The following FSIP1 variants were observed in gnomAD, a reference collection of about 807,000 sequenced individuals.
FSIP1 encodes fibrous sheath interacting protein 1.
In FSIP1, 65 loss-of-function variants were observed where a neutral mutation model predicts 60.9. The ratio of observed to expected loss-of-function variants is 1.07; its 90% CI spans 0.87 to 1.31. The LOEUF (loss-of-function observed/expected upper bound fraction) is 1.31. FSIP1 is among the 40% of genes most tolerant of loss of function. The pLI is 0.00. For missense variants in FSIP1, 675 were observed against 665.5 expected, an observed-to-expected ratio of 1.01 and a Z score of -0.16; for synonymous variants, 209 against 221.2, an observed-to-expected ratio of 0.94 and a Z score of 0.49.
chr15:39,754,229 T>C (rs1897243031), intron 5 of FSIP1, among the ~76,000 whole-genome samples: 1 of 151,986 alleles, frequency 6.6e-6, no homozygotes, highest in African/African-American at 2.4e-5. Context: ...ACCATGTGAG[T>C]GAGCTTGGAA....
intron 11 of FSIP1, among the ~76,000 whole-genome samples, chr15:39,605,857 G>A (rs917128929): frequency 9.2e-5 from 14 of 152,310 alleles, no homozygotes; most frequent in South Asian, 4.1e-4. Flanking sequence ...ACCCTACAGG[G>A]TATTAAGCCA....
intron 10 of FSIP1, among the ~76,000 whole-genome samples, chr15:39,690,833 G>T (rs190373359): frequency 3.8e-4 from 58 of 152,252 alleles, no homozygotes; most frequent in Non-Finnish European, 1.0e-4. Context: ...AGAAACCCAG[G>T]CTCAGCCACA....
chr15:39,692,884 T>C (rs2664126), intron 10 of FSIP1, among the ~76,000 whole-genome samples: 93,159 of 152,186 alleles, frequency 0.61, 30,483 homozygotes, highest in South Asian at 0.74. Context: ...TGGAGCCCTC[T>C]CCATGGCGTC....
chr15:39,630,487 A>G (rs1374828409), intron 10 of FSIP1, among the ~76,000 whole-genome samples: 1 of 152,214 alleles, frequency 6.6e-6, no homozygotes, highest in Non-Finnish European at 1.5e-5. Flanking sequence ...TTAGGTGGGT[A>G]TCCAGACCAG....
rs183034208 is a variant in FSIP1, at chr15:39,618,843, A to T, written c.1189-598T>A. Among the ~76,000 whole-genome samples the T allele has an allele frequency of 1.1e-3, 160 of 152,334 alleles. 1 individual carries two copies. Among genetic ancestry groups the T allele is most frequent in the African/African-American group, 3.8e-3 (157 of 41,584 alleles). On this transcript the variant is annotated intron_variant, in intron 10 of 11. Coordinates refer to ENST00000350221, the MANE Select transcript of FSIP1 (RefSeq NM_152597.5). ...AATAAATTTTTAAAAATCAAATGAA[A>T]GTAGAGAGCCATGTCCCACAAGACT...
intron 9 of FSIP1, among the ~76,000 whole-genome samples, chr15:39,720,514 C>T (rs570974058): frequency 4.6e-5 from 7 of 152,158 alleles, no homozygotes; most frequent in South Asian, 2.1e-4. Flanking sequence ...AAAAATCTAA[C>T]GGTGAACTGG....
chr15:39,686,050 G>T (rs1309533376), intron 10 of FSIP1, among the ~76,000 whole-genome samples: 2 of 152,206 alleles, frequency 1.3e-5, no homozygotes, highest in Non-Finnish European at 2.9e-5. Context: ...TAACAAATTT[G>T]GAGGATGATA....
intron 10 of FSIP1, among the ~76,000 whole-genome samples, chr15:39,712,723 A>G (rs1410980455): frequency 6.6e-6 from 1 of 152,212 alleles, no homozygotes; most frequent in East Asian, 1.9e-4. Flanking sequence ...AGTATGACAG[A>G]GCAATTCTAA....
At chr15:39,680,763 C>T (rs1325942357) in intron 10 of FSIP1, among the ~76,000 whole-genome samples, 1 of 152,108 alleles carries the variant, frequency 6.6e-6, no homozygotes, top group African/African-American at 2.4e-5. Context: ...AATTATTAGT[C>T]AAAATAATAC....
intron 10 of FSIP1, among the ~76,000 whole-genome samples, chr15:39,635,007 A>G (rs185277885): frequency 8.5e-5 from 13 of 152,062 alleles, no homozygotes; most frequent in African/African-American, 3.1e-4. Context: ...AGGTACAAGC[A>G]AACTGTTTAT....
chr15:39,676,583 C>G (rs1315909996), intron 10 of FSIP1, among the ~76,000 whole-genome samples: 1 of 151,292 alleles, frequency 6.6e-6, no homozygotes, highest in Non-Finnish European at 1.5e-5. Flanking sequence ...CTTCCCAACT[C>G]TCAGAATATA....
At chr15:39,693,713 C>T (rs62002440) in intron 10 of FSIP1, among the ~76,000 whole-genome samples, 5,283 of 152,270 alleles carry the variant, frequency 0.035, 121 homozygotes, top group Middle Eastern at 0.082. Flanking sequence ...CAGGTATCAT[C>T]TAACTGAGGA....
At chr15:39,776,597 A>T in intron 1 of FSIP1, 66 bp from the exon 2 acceptor site, 2 of 1,353,390 alleles carry the variant, frequency 1.5e-6, no homozygotes, top group South Asian at 2.6e-5. Context: ...ATTAGTTAGT[A>T]TTAATATCCA....
intron 10 of FSIP1, among the ~76,000 whole-genome samples, chr15:39,697,072 G>T (rs1894852210): frequency 6.6e-6 from 1 of 151,992 alleles, no homozygotes; most frequent in Admixed American, 6.6e-5. Context: ...GCCCCCAAAA[G>T]CTATTTTCAC....
chr15:39,661,897 C>T (rs1420756769), intron 10 of FSIP1, among the ~76,000 whole-genome samples: 1 of 152,132 alleles, frequency 6.6e-6, no homozygotes, highest in African/African-American at 2.4e-5. Flanking sequence ...CATTCAGGAG[C>T]CTGCTCTCCT....
intron 8 of FSIP1, among the ~76,000 whole-genome samples, chr15:39,736,288 G>C (rs1012465419): frequency 2.0e-5 from 3 of 152,158 alleles, no homozygotes; most frequent in Non-Finnish European, 4.4e-5. Context: ...TCAGCCCCAG[G>C]CATAGCAACA....
At chr15:39,704,515 C>T (rs941997506) in intron 10 of FSIP1, among the ~76,000 whole-genome samples, 4 of 152,194 alleles carry the variant, frequency 2.6e-5, no homozygotes, top group South Asian at 4.1e-4. Flanking sequence ...CTGAACTATA[C>T]GGACGTGACT....
intron 11 of FSIP1, among the ~76,000 whole-genome samples, chr15:39,610,630 C>T (rs1204452991): frequency 2.0e-5 from 3 of 152,148 alleles, no homozygotes; most frequent in Non-Finnish European, 4.4e-5. Flanking sequence ...CATGCCACTG[C>T]AGTCTAGTCT....
chr15:39,758,071 C>T (rs1047371987), intron 5 of FSIP1, among the ~76,000 whole-genome samples: 1 of 152,118 alleles, frequency 6.6e-6, no homozygotes, highest in African/African-American at 2.4e-5. Context: ...CATGTTAGAA[C>T]ATCAGGACTA....
Sources: allele counts gnomAD v4.1 joint callset (sites outside exome capture counted in the v4.1 genomes callset), GRCh38; gene constraint gnomAD v4.1.1; transcripts MANE v1.5; gene names NCBI Gene and HGNC (gene_info 2026-07-23, HGNC 2026-07-21).